Variants in ASIC2 observed in about 807,000 individuals in gnomAD.
ASIC2 encodes the protein acid sensing ion channel subunit 2, also known as acid-sensing ion channel 2.
A neutral mutation model predicts 57.3 loss-of-function variants in ASIC2; 25 were observed. The observed-to-expected ratio is 0.44, with a 90% CI of 0.32 to 0.61. ASIC2 has a LOEUF of 0.61. Among genes scored for constraint, ASIC2 ranks in the 20% least tolerant of loss-of-function variants. The pLI, the probability that ASIC2 is intolerant of heterozygous loss-of-function variation, is 0.06. For missense variants in ASIC2, 641 were observed against 738.1 expected, an observed-to-expected ratio of 0.87 and a Z score of 1.52; for synonymous variants, 319 against 307.5, an observed-to-expected ratio of 1.04 and a Z score of -0.39.
At chr17:33,665,057 CAAAG>C (rs1273806223) in intron 1 of ASIC2, among the ~76,000 whole-genome samples, 1 of 150,914 alleles carries the variant, frequency 6.6e-6, no homozygotes, top group East Asian at 1.9e-4. Flanking sequence ...TTTTTTAAGA[CAAAG>C]AAACAAGAGG....
intron 1 of ASIC2, among the ~76,000 whole-genome samples, chr17:33,832,998 T>C (rs745546112): frequency 6.6e-6 from 1 of 152,180 alleles, no homozygotes; most frequent in Non-Finnish European, 1.5e-5. Context: ...ACAAGATATA[T>C]GTGTAACAAC....
At chr17:33,369,733 T>C (rs1278003853) in intron 1 of ASIC2, among the ~76,000 whole-genome samples, 1 of 152,170 alleles carries the variant, frequency 6.6e-6, no homozygotes, top group Non-Finnish European at 1.5e-5. Context: ...GAGCTGGCAT[T>C]CCAACTCAGA....
chr17:33,368,145 G>A (rs1005129412), intron 1 of ASIC2, among the ~76,000 whole-genome samples: 3 of 152,182 alleles, frequency 2.0e-5, no homozygotes, highest in African/African-American at 2.4e-5. Context: ...CATTGTAACA[G>A]CTTTGATCAA....
intron 1 of ASIC2, among the ~76,000 whole-genome samples, chr17:33,342,525 G>C (rs1875873): frequency 0.24 from 35,826 of 152,026 alleles, 4,380 homozygotes; most frequent in East Asian, 0.4. Context: ...GCTAGGGCCT[G>C]TCTTCTTGCC....
chr17:33,667,424 A>C (rs1488583725), intron 1 of ASIC2, among the ~76,000 whole-genome samples: 1 of 152,148 alleles, frequency 6.6e-6, no homozygotes, highest in Non-Finnish European at 1.5e-5. Flanking sequence ...CCTTATACAT[A>C]TGTTTCTCTC....
At chr17:33,918,341 C>T (rs961317138) in intron 1 of ASIC2, among the ~76,000 whole-genome samples, 2 of 152,144 alleles carry the variant, frequency 1.3e-5, no homozygotes, top group Non-Finnish European at 2.9e-5. Flanking sequence ...AACTTGTCTG[C>T]CCAATAAAAT....
chr17:33,548,409 A>G lies in ASIC2; in HGVS notation c.556-436342T>C, dbSNP rs996548511. 9.2e-5 allele frequency among the ~76,000 whole-genome samples: 14 copies of G among 152,280 alleles called. No homozygotes were observed. The East Asian group carries it at 2.5e-3, about 27-fold the overall frequency. Reference sequence around the variant, plus strand: ...GAGACATGGCTCTGTGCAGAAGTACATTTCCTTGCTTGTTCCGCTCAGTGT... The same window carrying G: ...GAGACATGGCTCTGTGCAGAAGTACGTTTCCTTGCTTGTTCCGCTCAGTGT... On this transcript the variant is annotated intron_variant, in intron 1 of 9. Transcript: ENST00000359872.
At chr17:33,855,343 C>T (rs62057919) in intron 1 of ASIC2, among the ~76,000 whole-genome samples, 11,671 of 152,182 alleles carry the variant, frequency 0.077, 590 homozygotes, top group Admixed American at 0.12. Flanking sequence ...CAGAGTTGGA[C>T]GCAATTCTTG....
chr17:33,215,309 A>G (rs1907434133), intron 1 of ASIC2, among the ~76,000 whole-genome samples: 1 of 152,248 alleles, frequency 6.6e-6, no homozygotes, highest in African/African-American at 2.4e-5. Context: ...GTTCCTGTTC[A>G]GTAATTATGC....
intron 1 of ASIC2, among the ~76,000 whole-genome samples, chr17:33,652,939 T>C (rs1478117991): frequency 6.6e-6 from 1 of 152,166 alleles, no homozygotes; most frequent in Non-Finnish European, 1.5e-5. Flanking sequence ...CTGAAAGGCA[T>C]AGGGGTTGGT....
At chr17:33,202,004 G>C (rs1206687075) in intron 1 of ASIC2, among the ~76,000 whole-genome samples, 1 of 132,110 alleles carries the variant, frequency 7.6e-6, no homozygotes, top group Admixed American at 8.4e-5. Context: ...TTGGTGACAC[G>C]GTGAGACTGT....
intron 1 of ASIC2, among the ~76,000 whole-genome samples, chr17:33,532,795 A>G (rs541864482): frequency 1.3e-5 from 2 of 152,318 alleles, no homozygotes; most frequent in South Asian, 4.1e-4. Flanking sequence ...AATCGATACA[A>G]GTCTGCAGAG....
intron 1 of ASIC2, among the ~76,000 whole-genome samples, chr17:33,826,427 G>C (rs1038778847): frequency 2.6e-5 from 4 of 152,180 alleles, no homozygotes; most frequent in Non-Finnish European, 5.9e-5. Flanking sequence ...CCAACCATCT[G>C]TCCACCAACC....
At chr17:33,684,544 A>G (rs1362798937) in intron 1 of ASIC2, among the ~76,000 whole-genome samples, 1 of 152,238 alleles carries the variant, frequency 6.6e-6, no homozygotes, top group Non-Finnish European at 1.5e-5. Context: ...TGCAGAAGAA[A>G]CAACTTTTTA....
At chr17:33,612,056 C>T (rs954168895) in intron 1 of ASIC2, among the ~76,000 whole-genome samples, 13 of 152,104 alleles carry the variant, frequency 8.5e-5, no homozygotes, top group African/African-American at 2.7e-4. Context: ...GACTGATGTC[C>T]CAGCTTAAAG....
intron 1 of ASIC2, among the ~76,000 whole-genome samples, chr17:33,392,194 CCCTCCT>C (rs1237806153): frequency 9.6e-4 from 5 of 5,204 alleles, no homozygotes; most frequent in Non-Finnish European, 1.7e-3. Context: ...TTCCTTCCTT[CCCTCCT>C]TCCTTCCTTC....
intron 1 of ASIC2, among the ~76,000 whole-genome samples, chr17:33,607,446 A>G (rs1905258301): frequency 6.6e-6 from 1 of 152,152 alleles, no homozygotes; most frequent in South Asian, 2.1e-4. Flanking sequence ...TTTGGAGGCC[A>G]AAGTCTCTTC....
intron 1 of ASIC2, among the ~76,000 whole-genome samples, chr17:33,470,608 G>A (rs775376446): frequency 3.9e-5 from 6 of 152,150 alleles, no homozygotes; most frequent in Non-Finnish European, 8.8e-5. Flanking sequence ...GTGGATCACT[G>A]TGATCACTAA....
At chr17:33,680,008 G>A (rs1907950230) in intron 1 of ASIC2, among the ~76,000 whole-genome samples, 1 of 152,130 alleles carries the variant, frequency 6.6e-6, no homozygotes, top group Admixed American at 6.5e-5. Flanking sequence ...GGCAGCATAT[G>A]ATACTGGGGG....
Sources: gnomAD v4.1 joint callset for allele counts (sites outside exome capture counted in the v4.1 genomes callset) on GRCh38, gnomAD v4.1.1 for gene constraint, MANE v1.5 for transcripts, NCBI Gene and HGNC (gene_info 2026-07-23, HGNC 2026-07-21) for gene names.